PSKH2: variants seen among roughly 807,000 people sequenced by gnomAD.
PSKH2 encodes the protein protein serine kinase H2, also known as serine/threonine-protein kinase H2.
In PSKH2, 16 loss-of-function variants were observed where a neutral mutation model predicts 22.5. The ratio of observed to expected loss-of-function variants is 0.71; its 90% CI spans 0.48 to 1.08. The LOEUF (loss-of-function observed/expected upper bound fraction) is 1.08. Among genes scored for constraint, PSKH2 ranks in the 50% least tolerant of loss-of-function variants. PSKH2 has a pLI of 0.00. For missense variants in PSKH2, 516 were observed against 492.8 expected, an observed-to-expected ratio of 1.05 and a Z score of -0.44; for synonymous variants, 188 against 184.8, an observed-to-expected ratio of 1.02 and a Z score of -0.14.
intron 2 of PSKH2, among the ~76,000 whole-genome samples, chr8:86,049,727 A>G (rs1283002021): frequency 4.8e-5 from 3 of 62,946 alleles, no homozygotes; most frequent in African/African-American, 1.7e-4. Flanking sequence ...AGAAAGAAAG[A>G]AAGAAAGAAA....
intron 2 of PSKH2, among the ~76,000 whole-genome samples, chr8:86,050,304 C>A (rs1052283160): frequency 6.6e-6 from 1 of 152,206 alleles, no homozygotes; most frequent in Non-Finnish European, 1.5e-5. Flanking sequence ...ACTTCTCATT[C>A]TCCTCTTGTG....
Position 86,064,016 on chromosome 8 carries a change from C to A in PSKH2, c.801G>T (p.Gln267His), listed in dbSNP as rs769647020. Residue 267 changes from glutamine (Q) to histidine (H), a missense_variant, in exon 2 of 3, where the codon CAG becomes CAT. Physicochemically the swap from Gln to His is conservative, Grantham distance 24. Coordinates refer to ENST00000276616, the MANE Select transcript of PSKH2 (RefSeq NM_033126.3). Reference protein sequence around the residue: ...SGFLPFDDESQTRLYRKILKG... With the variant: ...SGFLPFDDESHTRLYRKILKG... ...TCAGAATCTTCCTGTAAAGCCTTGT[C>A]TGGCTTTCATCATCAAAAGGCAGGA... 4 of 1,613,832 alleles carry A rather than the reference C, an allele frequency of 2.5e-6. No individual in the cohort carries two copies. The South Asian group carries it at 4.4e-5, about 18-fold the overall frequency.
At chr8:86,059,209 G>A (rs962096785) in intron 2 of PSKH2, among the ~76,000 whole-genome samples, 1 of 152,090 alleles carries the variant, frequency 6.6e-6, no homozygotes, top group Admixed American at 6.6e-5. Flanking sequence ...CCAAAGTTTT[G>A]GGATTACAGG....
At chr8:86,068,963 C>G (rs1473825363) in intron 1 of PSKH2, among the ~76,000 whole-genome samples, 1 of 152,028 alleles carries the variant, frequency 6.6e-6, no homozygotes, top group Non-Finnish European at 1.5e-5. Flanking sequence ...ACTTATGGAA[C>G]ACAGCAAGGA....
chr8:86,059,909 G>C (rs1817753351), intron 2 of PSKH2, among the ~76,000 whole-genome samples: 1 of 152,192 alleles, frequency 6.6e-6, no homozygotes, highest in East Asian at 1.9e-4. Flanking sequence ...CTGTCCTTTT[G>C]TGGAAAAGAT....
At chr8:86,068,536 T>G (rs1270113594) in intron 1 of PSKH2, among the ~76,000 whole-genome samples, 1 of 152,226 alleles carries the variant, frequency 6.6e-6, no homozygotes, top group Non-Finnish European at 1.5e-5. Context: ...CATGTATTAC[T>G]TTAATTATGC....
intron 2 of PSKH2, among the ~76,000 whole-genome samples, chr8:86,059,692 A>G (rs985523716): frequency 1.3e-5 from 2 of 152,172 alleles, no homozygotes; most frequent in African/African-American, 4.8e-5. Context: ...ACATCTGCAA[A>G]TTCTCTTTTA....
intron 2 of PSKH2, among the ~76,000 whole-genome samples, chr8:86,055,476 A>G (rs1047051375): frequency 3.3e-5 from 5 of 152,240 alleles, no homozygotes; most frequent in African/African-American, 4.8e-5. Flanking sequence ...TTACTCTTGT[A>G]AGATTTAAAA....
chr8:86,057,708 C>G (rs1042464468), intron 2 of PSKH2, among the ~76,000 whole-genome samples: 11 of 152,112 alleles, frequency 7.2e-5, no homozygotes, highest in African/African-American at 2.7e-4. Flanking sequence ...TTACATTTTA[C>G]TAGTCAATGT....
Position 86,069,617 on chromosome 8 carries a change from C to G in PSKH2, c.6G>C (p.Gly2=), listed in dbSNP as rs536501005. The change falls in exon 1 of 3, where the codon GGG becomes GGC. Residue 2 remains glycine (G), a synonymous_variant. Coordinates refer to ENST00000276616, the MANE Select transcript of PSKH2 (RefSeq NM_033126.3). ...GGACCACCTTCCTGCTGGCGCCGCA[C>G]CCCATACCCGCAACACGCCCGCCGC... is the stretch of plus-strand genomic sequence containing the variant. M[G]CGASRKVVPG... 5.1e-6 allele frequency: 8 copies of G among 1,573,912 alleles called. No homozygotes were observed. The highest frequency in any genetic ancestry group is 6.0e-6 in the Non-Finnish European group (7 of 1,163,776).
At chr8:86,052,267 C>T (rs1016487707) in intron 2 of PSKH2, among the ~76,000 whole-genome samples, 2 of 152,138 alleles carry the variant, frequency 1.3e-5, no homozygotes, top group African/African-American at 4.8e-5. Context: ...AGAATTTCTC[C>T]TCCCAAATTC....
At chr8:86,059,257 TA>T (rs1373921901) in intron 2 of PSKH2, among the ~76,000 whole-genome samples, 1 of 152,224 alleles carries the variant, frequency 6.6e-6, no homozygotes, top group East Asian at 1.9e-4. Context: ...ATTTGATGTT[TA>T]TACCTGAATT....
intron 1 of PSKH2, among the ~76,000 whole-genome samples, chr8:86,065,983 A>C (rs373102636): frequency 2.0e-5 from 3 of 152,292 alleles, no homozygotes; most frequent in East Asian, 3.9e-4. Flanking sequence ...AAATTAAAAA[A>C]ATAAAATAAA....
In PSKH2 at chr8:86,057,814, C is replaced by T. The variant is rs140950499; in HGVS notation, c.852+6151G>A. ...CCTGCAAGATAGCACAAATGTGGCC[C>T]TTTTCATGGACCCTGACCCAGTTTT... On this transcript the variant is annotated intron_variant, in intron 2 of 2. Transcript: ENST00000276616. Among the ~76,000 whole-genome samples, 710 of 152,292 alleles carry T rather than the reference C, an allele frequency of 4.7e-3. 5 individuals carry two copies. Among genetic ancestry groups the T allele is most frequent in the African/African-American group, 0.016 (682 of 41,558 alleles).
chr8:86,069,647 G>A lies in PSKH2; in HGVS notation c.-25C>T, dbSNP rs1318873342. Reference sequence around the variant, plus strand: ...TACCCGCAACACGCCCGCCGCTCGCGGGACCTGGGGACTCGGGAAGCAGCC... The same window carrying A: ...TACCCGCAACACGCCCGCCGCTCGCAGGACCTGGGGACTCGGGAAGCAGCC... On this transcript the variant is annotated 5_prime_UTR_variant, in exon 1 of 3. Transcript: ENST00000276616. 2 of 1,504,580 alleles carry A rather than the reference G, an allele frequency of 1.3e-6. No individual in the cohort carries two copies. Among genetic ancestry groups the A allele is most frequent in the East Asian group, 2.6e-5 (1 of 39,060 alleles). 93.2% of individuals were successfully genotyped at this position (1,504,580 alleles called of 1,614,324 possible).
At chr8:86,048,999 T>A (rs1817572657) in intron 2 of PSKH2, among the ~76,000 whole-genome samples, 1 of 151,986 alleles carries the variant, frequency 6.6e-6, no homozygotes, top group African/African-American at 2.4e-5. Flanking sequence ...ACACAGAAAT[T>A]CTCTTCCAAA....
chr8:86,052,964 T>A (rs1361360432), intron 2 of PSKH2, among the ~76,000 whole-genome samples: 1 of 152,184 alleles, frequency 6.6e-6, no homozygotes, highest in East Asian at 1.9e-4. Context: ...GGCATAAAAC[T>A]GAAACTTACA....
chr8:86,069,772 G>A (rs1341701752), upstream of PSKH2: 1 of 856,522 alleles, frequency 1.2e-6, no homozygotes, highest in Non-Finnish European at 1.7e-6. Context: ...ACAGCCCCCA[G>A]GATACCCGCT....
In PSKH2 at chr8:86,064,077, G is replaced by A. The variant is rs1357913002; in HGVS notation, c.740C>T (p.Ala247Val). 1.9e-6 allele frequency: 3 copies of A among 1,613,966 alleles called. No homozygotes were observed. Among genetic ancestry groups the A allele is most frequent in the Admixed American group, 3.3e-5 (2 of 59,982 alleles). ...KPYTSAVDMW[A>V]LGVITYALLS... ...TAAAGCATATGTGATCACACCAAGA[G>A]CCCACATGTCCACTGCACTGGTATA... The change falls in exon 2 of 3, where the codon GCT becomes GTT. Residue 247 changes from alanine to valine, a missense_variant. Transcript: ENST00000276616.
Sources: allele counts gnomAD v4.1 joint callset (sites outside exome capture counted in the v4.1 genomes callset), GRCh38; gene constraint gnomAD v4.1.1; transcripts MANE v1.5; gene names NCBI Gene and HGNC (gene_info 2026-07-23, HGNC 2026-07-21).